The following SLC28A3 variants were observed in gnomAD, a reference collection of about 807,000 sequenced individuals.
The protein encoded by SLC28A3 is concentrative Na(+)-nucleoside cotransporter 3.
A neutral mutation model predicts 84.2 loss-of-function variants in SLC28A3; 68 were observed. That is an observed-to-expected ratio of 0.81 (90% confidence interval 0.66 to 0.99). The LOEUF (loss-of-function observed/expected upper bound fraction) is 0.99, where lower values mean the gene tolerates loss of function less well. SLC28A3 is among the 50% of genes least tolerant of loss of function. The pLI is 0.00. For missense variants in SLC28A3, 712 were observed against 841.5 expected (o/e 0.85, Z 1.90); for synonymous variants, 267 against 303.6 (o/e 0.88, Z 1.25).
intron 2 of SLC28A3, among the ~76,000 whole-genome samples, chr9:84,311,522 A>G (rs1382911927): frequency 1.3e-5 from 2 of 151,500 alleles, no homozygotes; most frequent in Non-Finnish European, 2.9e-5. Context: ...TGTATCCACC[A>G]TTGTAGTATC....
At chr9:84,318,027 T>G (rs990401436) in intron 1 of SLC28A3, among the ~76,000 whole-genome samples, 4 of 152,222 alleles carry the variant, frequency 2.6e-5, no homozygotes, top group African/African-American at 9.6e-5. Flanking sequence ...TTCGACTGCA[T>G]GGATTTTGCC....
At chr9:84,321,382 C>G (rs1692122402) in intron 1 of SLC28A3, among the ~76,000 whole-genome samples, 1 of 151,850 alleles carries the variant, frequency 6.6e-6, no homozygotes. Flanking sequence ...GCACACTAGA[C>G]CAACAGTGGG....
At chr9:84,292,475 GTCTCTCTCTC>G in intron 10 of SLC28A3, 183 bp downstream of exon 10, 3 of 375,400 alleles carry the variant, frequency 8.0e-6, no homozygotes, top group Non-Finnish European at 1.4e-5. Flanking sequence ...CTCTCTCTCT[GTCTCTCTCTC>G]TCTCTCTCTC....
intron 1 of SLC28A3, among the ~76,000 whole-genome samples, chr9:84,319,778 G>A (rs1826300072): frequency 6.6e-6 from 1 of 152,096 alleles, no homozygotes; most frequent in African/African-American, 2.4e-5. Flanking sequence ...TTGGGAAGGA[G>A]ACCAGAGAAG....
intron 15 of SLC28A3, 101 bp from the exon 16 acceptor site, chr9:84,280,174 C>CTTT (rs35540005): frequency 4.7e-3 from 3,269 of 699,136 alleles, no homozygotes; most frequent in South Asian, 7.8e-3. Context: ...GGTCAGCTGA[C>CTTT]TTTTTTTTTT....
chr9:84,352,443 A>G, the SLC28A3 span, among the ~76,000 whole-genome samples: 5 of 152,042 alleles, frequency 3.3e-5, no homozygotes, highest in East Asian at 7.7e-4. Flanking sequence ...TGTGCCTCCC[A>G]AAGTGCTGGG....
chr9:84,297,884 T>G (rs1825476074), intron 7 of SLC28A3, 22 bp downstream of exon 7: 20 of 1,574,068 alleles, frequency 1.3e-5, no homozygotes, highest in Non-Finnish European at 1.5e-5. Context: ...AAAAGCAAAG[T>G]GTTCTTTTGA....
At chr9:84,322,071 C>T (rs989799015) in intron 1 of SLC28A3, among the ~76,000 whole-genome samples, 7 of 152,134 alleles carry the variant, frequency 4.6e-5, no homozygotes, top group African/African-American at 1.7e-4. Context: ...CAAGAAGAAA[C>T]ATTATATACT....
intron 12 of SLC28A3, 105 bp from the exon 13 acceptor site, chr9:84,286,216 T>G: frequency 1.8e-6 from 2 of 1,096,544 alleles, no homozygotes; most frequent in Non-Finnish European, 1.3e-6. Context: ...AGACAAACTC[T>G]AAGGCCCCTG....
chr9:84,360,830 C>T, the SLC28A3 span, among the ~76,000 whole-genome samples: 2 of 151,944 alleles, frequency 1.3e-5, no homozygotes, highest in Admixed American at 6.6e-5. Flanking sequence ...GTGGAAGGAT[C>T]GCTTGAGCCT....
At chr9:84,348,209 C>T in the SLC28A3 span, among the ~76,000 whole-genome samples, 1 of 152,022 alleles carries the variant, frequency 6.6e-6, no homozygotes, top group African/African-American at 2.4e-5. Context: ...CAGGTTCAGG[C>T]CGGACATGGT....
At chr9:84,323,767 A>G (rs1826459217) in intron 1 of SLC28A3, among the ~76,000 whole-genome samples, 1 of 151,318 alleles carries the variant, frequency 6.6e-6, no homozygotes, top group South Asian at 2.1e-4. Flanking sequence ...GATTTTTAAC[A>G]CCCCTCATCT....
In SLC28A3 at chr9:84,285,438, A is replaced by C. The variant is rs367794490; in HGVS notation, c.1554T>G (p.Asn518Lys). Residue 518 changes from asparagine (N) to lysine (K), a missense_variant, in exon 14 of 18, where the codon AAT becomes AAG. Physicochemically the swap from Asn to Lys is moderately conservative, Grantham distance 94. Transcript: ENST00000376238. ...ARLIGYKTFF[N>K]EFVAYEHLSK... ...AGAGGTGCTCATAAGCCACAAATTC[A>C]TTGAAGAAGGTCTTATAACCTATGA... The C allele has an allele frequency of 3.1e-6, 5 of 1,614,210 alleles. No individual in the cohort carries two copies. The highest frequency in any genetic ancestry group is 1.6e-4 in the Middle Eastern group (1 of 6,062).
At chr9:84,311,959 A>G (rs1445350618) in intron 2 of SLC28A3, among the ~76,000 whole-genome samples, 2 of 152,260 alleles carry the variant, frequency 1.3e-5, no homozygotes, top group Non-Finnish European at 2.9e-5. Flanking sequence ...AGAATGTCGT[A>G]TAGTTGGGAT....
In SLC28A3 at chr9:84,309,523, C is replaced by CAAA. The variant is rs71366931; in HGVS notation, c.242+103_242+105dup. On this transcript the variant is annotated intron_variant, in intron 3 of 17. Coordinates refer to ENST00000376238, the MANE Select transcript of SLC28A3 (RefSeq NM_001199633.2). ...GGGTGACAAAGTGAGACTCTTATCT[C>CAAA]AAAAAAAAAAAAAAAAAAAAAAAAA... 2.5e-3 allele frequency: 609 copies of CAAA among 238,964 alleles called. 4 individuals are homozygous for CAAA. Among genetic ancestry groups the CAAA allele is most frequent in the African/African-American group, 6.0e-3 (111 of 18,418 alleles). 14.8% of individuals were successfully genotyped at this position (238,964 alleles called of 1,614,324 possible). A position where few individuals can be genotyped will look rare whatever the true frequency, so the allele number is the denominator to read the frequency against.
intron 8 of SLC28A3, among the ~76,000 whole-genome samples, chr9:84,295,550 T>C (rs905571714): frequency 6.6e-6 from 1 of 152,176 alleles, no homozygotes. Context: ...GCCATTGCAC[T>C]CCAGCCTGGA....
intron 14 of SLC28A3, among the ~76,000 whole-genome samples, chr9:84,282,722 C>G (rs1824806659): frequency 6.6e-6 from 1 of 152,204 alleles, no homozygotes; most frequent in Admixed American, 6.5e-5. Context: ...CAGAGGCACA[C>G]CCAGTCTGAC....
intron 1 of SLC28A3, among the ~76,000 whole-genome samples, chr9:84,318,915 T>C (rs10119743): frequency 0.11 from 16,568 of 151,972 alleles, 2,956 homozygotes; most frequent in African/African-American, 0.37. Flanking sequence ...TGAGCTTTCT[T>C]GAAGAAACTG....
At chr9:84,321,565 C>G (rs570003059) in intron 1 of SLC28A3, among the ~76,000 whole-genome samples, 1 of 151,432 alleles carries the variant, frequency 6.6e-6, no homozygotes, top group South Asian at 2.1e-4. Context: ...AACCCCGTCT[C>G]TACTAAAAAT....
Sources: gnomAD v4.1 joint callset for allele counts (sites outside exome capture counted in the v4.1 genomes callset) on GRCh38, gnomAD v4.1.1 for gene constraint, MANE v1.5 for transcripts, NCBI Gene and HGNC (gene_info 2026-07-23, HGNC 2026-07-21) for gene names.